The following CORIN variants were observed in gnomAD, a reference collection of about 807,000 sequenced individuals.
CORIN encodes the protein corin, serine peptidase.
In CORIN, 117 loss-of-function variants were observed where a neutral mutation model predicts 125.3. That is an observed-to-expected ratio of 0.93 (90% CI 0.80 to 1.09). The LOEUF (loss-of-function observed/expected upper bound fraction) is 1.09, where lower values mean the gene tolerates loss of function less well. Among genes scored for constraint, CORIN ranks in the 50% least tolerant of loss-of-function variants. The probability of loss-of-function intolerance (pLI) is 0.00; values close to 1 mark genes in which losing one functional copy is unlikely to be tolerated. For synonymous variants in CORIN, 450 were observed against 466.4 expected, an observed-to-expected ratio of 0.96 and a Z score of 0.45; for missense variants, 1,253 against 1,306.7, an observed-to-expected ratio of 0.96 and a Z score of 0.63.
chr4:47,633,181 C>G (rs1722908183), intron 16 of CORIN, among the ~76,000 whole-genome samples: 1 of 151,992 alleles, frequency 6.6e-6, no homozygotes, highest in Admixed American at 6.6e-5. Context: ...AAAACTATCT[C>G]AAAGCAAAGG....
intron 5 of CORIN, among the ~76,000 whole-genome samples, chr4:47,705,507 T>G (rs1012192436): frequency 5.3e-5 from 8 of 152,164 alleles, no homozygotes; most frequent in Non-Finnish European, 7.4e-5. Context: ...AATTAAGAGA[T>G]ACATTCTGGC....
chr4:47,632,725 T>TGATAGATAGATAGATATAGATAGATA (rs1553905880), intron 16 of CORIN, among the ~76,000 whole-genome samples: 8 of 126,658 alleles, frequency 6.3e-5, no homozygotes, highest in African/African-American at 2.3e-4. Flanking sequence ...TGACAATAGA[T>TGATAGATAGATAGATATAGATAGATA]GATAGATAGA....
intron 13 of CORIN, among the ~76,000 whole-genome samples, chr4:47,652,985 A>G (rs2109642223): frequency 6.6e-6 from 1 of 152,350 alleles, no homozygotes; most frequent in East Asian, 1.9e-4. Context: ...GTTTGCAAAT[A>G]TAGTAGTGCC....
At chr4:47,601,438 G>C (rs1443888523) in intron 20 of CORIN, among the ~76,000 whole-genome samples, 1 of 151,828 alleles carries the variant, frequency 6.6e-6, no homozygotes, top group Non-Finnish European at 1.5e-5. Context: ...CACCTTCAAG[G>C]CTCAAGAAAT....
Position 47,643,245 on chromosome 4 carries a change from CT to C in CORIN, c.1968del (p.Asp657MetfsTer34). ...YMDEKNCSFC[Q>X]DDELECANHA... ...TGGTTTGCACATTCCAGCTCATCAT[CT>C]TGGCAAAATGCTGGCATGGGGAACA... On this transcript the variant is annotated frameshift_variant, in exon 15 of 22. Transcript: ENST00000273857. LOFTEE classifies it high-confidence loss of function. The C allele has an allele frequency of 6.3e-7, 1 of 1,595,366 alleles. No individual in the cohort carries two copies. Among genetic ancestry groups the C allele is most frequent in the Non-Finnish European group, 8.5e-7 (1 of 1,170,414 alleles).
At chr4:47,754,721 C>G (rs1241892626) in intron 4 of CORIN, among the ~76,000 whole-genome samples, 2 of 152,056 alleles carry the variant, frequency 1.3e-5, no homozygotes, top group Non-Finnish European at 2.9e-5. Flanking sequence ...AGCTGAGAAA[C>G]TGAGATTTGC....
chr4:47,696,475 C>T (rs1239728059), intron 5 of CORIN, among the ~76,000 whole-genome samples: 5 of 151,800 alleles, frequency 3.3e-5, no homozygotes, highest in Admixed American at 6.6e-5. Flanking sequence ...AAAAAAAAAT[C>T]CCCAAATAGA....
At chr4:47,734,896 T>C (rs1728054493) in intron 5 of CORIN, among the ~76,000 whole-genome samples, 1 of 152,142 alleles carries the variant, frequency 6.6e-6, no homozygotes, top group African/African-American at 2.4e-5. Flanking sequence ...TGTTCCCAAA[T>C]GGGGGCTGCA....
intron 5 of CORIN, among the ~76,000 whole-genome samples, chr4:47,722,243 GT>G (rs1013682491): frequency 9.8e-5 from 15 of 152,296 alleles, no homozygotes; most frequent in African/African-American, 3.4e-4. Flanking sequence ...TGTGGAAGGT[GT>G]TTCCTTAGAG....
chr4:47,613,134 A>T (rs1721933093), intron 19 of CORIN, among the ~76,000 whole-genome samples: 1 of 152,228 alleles, frequency 6.6e-6, no homozygotes, highest in Non-Finnish European at 1.5e-5. Flanking sequence ...ATGAAGAATC[A>T]GTTGAACAGT....
chr4:47,643,227 C>T lies in CORIN; in HGVS notation c.1987G>A (p.Ala663Thr), dbSNP rs1723311188. 6.2e-7 allele frequency: 1 copy of T among 1,609,260 alleles called. No individual in the cohort carries two copies. The highest frequency in any genetic ancestry group is 8.5e-7 in the Non-Finnish European group (1 of 1,177,886). The change falls in exon 15 of 22, where the codon GCA (alanine) becomes ACA (threonine). Residue 663 changes from alanine (A) to threonine (T), a missense_variant. Coordinates refer to ENST00000273857, the MANE Select transcript of CORIN (RefSeq NM_006587.4). ...TCACGTGACACACACGCATGGTTTG[C>T]ACATTCCAGCTCATCATCTTGGCAA... ...SFCQDDELEC[A>T]NHACVSRDLW...
chr4:47,640,309 A>G (rs1723186947), intron 16 of CORIN, among the ~76,000 whole-genome samples: 1 of 152,202 alleles, frequency 6.6e-6, no homozygotes, highest in Admixed American at 6.6e-5. Context: ...TTATTCAGTC[A>G]CAAGCAGGAA....
chr4:47,834,412 A>G (rs1192126879), intron 1 of CORIN, among the ~76,000 whole-genome samples: 2 of 152,206 alleles, frequency 1.3e-5, no homozygotes, highest in Non-Finnish European at 2.9e-5. Flanking sequence ...AGTCAAACTC[A>G]TAGAAGCAGA....
At chr4:47,660,426 T>C (rs907199583) in intron 12 of CORIN, among the ~76,000 whole-genome samples, 1 of 152,208 alleles carries the variant, frequency 6.6e-6, no homozygotes, top group Non-Finnish European at 1.5e-5. Context: ...AAAATATCCA[T>C]ATGATAAGGG....
intron 21 of CORIN, 109 bp downstream of exon 21, chr4:47,600,105 A>G (rs1040184308): frequency 3.5e-5 from 35 of 996,780 alleles, no homozygotes; most frequent in Non-Finnish European, 5.8e-6. Flanking sequence ...TTGGCAACAA[A>G]TGATTTTCAA....
intron 6 of CORIN, among the ~76,000 whole-genome samples, chr4:47,689,433 T>C (rs751818477): frequency 4.6e-5 from 7 of 152,152 alleles, no homozygotes; most frequent in Non-Finnish European, 7.4e-5. Flanking sequence ...CAAGAATTTA[T>C]AGTAGTCATT....
intron 3 of CORIN, 73 bp from the exon 4 acceptor site, chr4:47,763,659 T>A: frequency 7.5e-7 from 1 of 1,335,376 alleles, no homozygotes. Context: ...ATTTAATATT[T>A]GTTTATAAGA....
At chr4:47,600,487 C>T (rs2109503299) in intron 20 of CORIN, 140 bp from the exon 21 acceptor site, 1 of 578,916 alleles carries the variant, frequency 1.7e-6, no homozygotes. Context: ...ACTTGAAATG[C>T]CATTTTAAAG....
chr4:47,640,975 T>C (rs1723209785), intron 16 of CORIN, among the ~76,000 whole-genome samples: 1 of 152,206 alleles, frequency 6.6e-6, no homozygotes, highest in African/African-American at 2.4e-5. Flanking sequence ...TTTTCCACTC[T>C]CACAAAGTTT....
Sources: allele counts gnomAD v4.1 joint callset (sites outside exome capture counted in the v4.1 genomes callset), GRCh38; gene constraint gnomAD v4.1.1; transcripts MANE v1.5; gene names NCBI Gene and HGNC (gene_info 2026-07-23, HGNC 2026-07-21).